REV1: variants seen among roughly 807,000 people sequenced by gnomAD.
REV1 encodes the protein translesion synthesis protein REV1.
A neutral mutation model predicts 137.4 loss-of-function variants in REV1; 42 were observed. That is an observed-to-expected ratio of 0.31 (90% CI 0.24 to 0.40). The LOEUF is 0.40. Ranked by LOEUF, REV1 falls within the 10% of genes least tolerant of loss-of-function variation. The pLI, the probability that REV1 is intolerant of heterozygous loss-of-function variation, is 1.00. For synonymous variants in REV1, 524 were observed against 519.2 expected (o/e 1.01, Z -0.12); for missense variants, 1,282 against 1,490.1 (o/e 0.86, Z 2.30).
chr2:99,465,117 T>C (rs1172971868), intron 1 of REV1, 132 bp from the exon 2 acceptor site: 4 of 768,668 alleles, frequency 5.2e-6, no homozygotes, highest in Non-Finnish European at 8.4e-6. Context: ...CAATATTAAG[T>C]AAACTTTTTC....
At chr2:99,457,933 C>T (rs1683720370) in intron 3 of REV1, among the ~76,000 whole-genome samples, 1 of 145,476 alleles carries the variant, frequency 6.9e-6, no homozygotes. Flanking sequence ...TGGAAATCCA[C>T]AAATAAAAAA....
chr2:99,406,305 C>A lies in REV1; in HGVS notation c.2614+20G>T. On this transcript the variant is annotated intron_variant, in intron 16 of 22. Transcript: ENST00000258428. ...GACATAAGCAGCACCTAAAAAAGAA[C>A]CACATTGATGACCACCAACCTTCTT... 1 of 1,591,364 alleles carries A rather than the reference C, an allele frequency of 6.3e-7. No homozygotes were observed. The highest frequency in any genetic ancestry group is 1.1e-5 in the South Asian group (1 of 87,354).
rs1271306092 is a variant in REV1, at chr2:99,412,655, T to C, written c.2172+76A>G. 3.6e-6 allele frequency: 4 copies of C among 1,104,002 alleles called. No homozygotes were observed. The African/African-American group carries it at 4.7e-5, about 13-fold the overall frequency. The allele number at this position is 1,104,002 out of a possible 1,614,324, so 68.4% of individuals were successfully genotyped here. A position where few individuals can be genotyped will look rare whatever the true frequency, so the allele number is the denominator to read the frequency against. ...TTAATTTCAAGCATTGAGGGTCTAA[T>C]GGTTTAGTTGTAGAGGTAGGACTAT... On this transcript the variant is annotated intron_variant, in intron 13 of 22. Transcript: ENST00000258428.
In REV1 at chr2:99,403,233, C is replaced by A. The variant is rs900957426; in HGVS notation, c.3167-127G>T. ...CTAGCCTACACCTCCCCTCCTGCCCCAAGTGAGAGGCAGTGAATGGCAATG... is the reference window on the plus strand; with the variant it reads ...CTAGCCTACACCTCCCCTCCTGCCCAAAGTGAGAGGCAGTGAATGGCAATG... On this transcript the variant is annotated intron_variant, in intron 19 of 22. Transcript: ENST00000258428. The A allele has an allele frequency of 2.3e-5, 17 of 740,816 alleles. No homozygotes were observed. The African/African-American group carries it at 2.7e-4, about 12-fold the overall frequency. 45.9% of individuals were successfully genotyped at this position (740,816 alleles called of 1,614,324 possible).
chr2:99,403,077 C>T lies in REV1; in HGVS notation c.3196G>A (p.Ala1066Thr). The change falls in exon 20 of 23, where the codon GCA (alanine) becomes ACA (threonine). Residue 1066 changes from alanine to threonine, a missense_variant. Around this residue, in one of 7 missense-constraint regions of REV1, gnomAD observed 170 missense variants for 156.8 expected, o/e 1.08. Transcript: ENST00000258428. ...VPKNPLLHLK[A>T]AVKEKKRNKK... ...TTTCTTTTCTTTTCTTTCACTGCTG[C>T]CTTTAGATGAAGTAAAGGATTCTTT... 6.2e-7 allele frequency: 1 copy of T among 1,611,218 alleles called. No homozygotes were observed. The highest frequency in any genetic ancestry group is 8.5e-7 in the Non-Finnish European group (1 of 1,178,790).
At chr2:99,479,663 T>C (rs1436925208) in intron 1 of REV1, among the ~76,000 whole-genome samples, 2 of 151,956 alleles carry the variant, frequency 1.3e-5, no homozygotes, top group East Asian at 1.9e-4. Flanking sequence ...CCAGGCATGG[T>C]GGCACACACC....
chr2:99,411,572 A>G (rs1419218260), intron 13 of REV1, among the ~76,000 whole-genome samples: 3 of 151,168 alleles, frequency 2.0e-5, no homozygotes, highest in Non-Finnish European at 3.0e-5. Context: ...ATGTCTGGCT[A>G]ATTTTTTTGT....
chr2:99,404,818 C>T (rs1441974002), intron 17 of REV1, 141 bp from the exon 18 acceptor site: 1 of 679,594 alleles, frequency 1.5e-6, no homozygotes, highest in African/African-American at 1.8e-5. Context: ...CTAGGAAAGC[C>T]ACCTCCAAAT....
chr2:99,421,709 C>G (rs1481723247), intron 10 of REV1, 56 bp from the exon 11 acceptor site: 9 of 1,537,384 alleles, frequency 5.9e-6, no homozygotes, highest in Non-Finnish European at 7.9e-6. Flanking sequence ...TCTGGTAGAC[C>G]CAATGTTGCA....
chr2:99,408,949 A>G (rs1015486702), intron 14 of REV1, among the ~76,000 whole-genome samples: 1 of 152,234 alleles, frequency 6.6e-6, no homozygotes, highest in East Asian at 1.9e-4. Context: ...ATTTTCCCAT[A>G]GAAATGTTTA....
chr2:99,474,020 A>C (rs563977582), intron 1 of REV1, among the ~76,000 whole-genome samples: 68 of 152,364 alleles, frequency 4.5e-4, no homozygotes, highest in African/African-American at 1.6e-3. Context: ...AAATTGGAAA[A>C]TACAGAAAAC....
chr2:99,405,622 G>GC (rs1330808524), intron 17 of REV1: 1 of 250,880 alleles, frequency 4.0e-6, no homozygotes, highest in African/African-American at 2.2e-5. Flanking sequence ...CAGTAAGTCT[G>GC]CATGATGACC....
intron 1 of REV1, among the ~76,000 whole-genome samples, chr2:99,484,939 T>C (rs192467411): frequency 1.1e-4 from 16 of 152,318 alleles, no homozygotes; most frequent in African/African-American, 3.8e-4. Flanking sequence ...GCCAACCTTA[T>C]ACGGTAGCTG....
intron 12 of REV1, among the ~76,000 whole-genome samples, chr2:99,416,982 T>C (rs1268248676): frequency 6.6e-6 from 1 of 150,640 alleles, no homozygotes; most frequent in East Asian, 2.0e-4. Context: ...AATGGTAGGA[T>C]TACTAGGTCA....
intron 11 of REV1, among the ~76,000 whole-genome samples, chr2:99,419,178 GAAGCAGGAATAGAGA>G (rs1198706710): frequency 6.7e-6 from 1 of 150,052 alleles, no homozygotes; most frequent in Non-Finnish European, 1.5e-5. Flanking sequence ...CATCTAACCA[GAAGCAGGAATAGAGA>G]AAGCAGTCCT....
chr2:99,424,942 C>A, intron 9 of REV1: 1 of 1,248,330 alleles, frequency 8.0e-7, no homozygotes, highest in South Asian at 1.4e-5. Flanking sequence ...GTCTCAGTGC[C>A]CCACATTACC....
At chr2:99,474,406 T>C (rs1481744471) in intron 1 of REV1, among the ~76,000 whole-genome samples, 2 of 152,192 alleles carry the variant, frequency 1.3e-5, no homozygotes, top group African/African-American at 4.8e-5. Flanking sequence ...GAAAAAATAA[T>C]AATGGTATCA....
At chr2:99,420,026 C>CT (rs1456038834) in intron 11 of REV1, among the ~76,000 whole-genome samples, 1 of 152,060 alleles carries the variant, frequency 6.6e-6, no homozygotes, top group Admixed American at 6.6e-5. Flanking sequence ...TATGCTTGAA[C>CT]TTAAAAGAAT....
At chr2:99,433,703 A>T (rs1191000360) in intron 8 of REV1, among the ~76,000 whole-genome samples, 2 of 152,256 alleles carry the variant, frequency 1.3e-5, no homozygotes, top group Non-Finnish European at 2.9e-5. Flanking sequence ...AACCATGAGA[A>T]AACTAATCAG....
Sources: allele counts gnomAD v4.1 joint callset (sites outside exome capture counted in the v4.1 genomes callset), GRCh38; gene constraint gnomAD v4.1.1; regional missense constraint gnomAD v4.1.1; transcripts MANE v1.5; gene names NCBI Gene and HGNC (gene_info 2026-07-23, HGNC 2026-07-21).